The following ZNF180 variants were observed in gnomAD, a reference collection of about 807,000 sequenced individuals.
ZNF180 encodes the protein zinc finger protein 180.
ZNF180 carries 11 observed loss-of-function variants against 11.8 expected under a neutral mutation model. The observed-to-expected ratio is 0.93, with a 90% CI of 0.59 to 1.55. The LOEUF (loss-of-function observed/expected upper bound fraction) is 1.55, where lower values mean the gene tolerates loss of function less well. Among genes scored for constraint, ZNF180 ranks in the 40% most tolerant of loss-of-function variants. The pLI is 0.00. For missense variants in ZNF180, 773 were observed against 781.7 expected (o/e 0.99, Z 0.13); for synonymous variants, 287 against 257.7 (o/e 1.11, Z -1.09).
chr19:44,479,515 A>G (rs2123444005), intron 3 of ZNF180, 106 bp from the exon 4 acceptor site: 1 of 1,073,148 alleles, frequency 9.3e-7, no homozygotes, highest in South Asian at 2.1e-5. Context: ...GTGACCTGGG[A>G]GTTGTCCTTA....
intron 1 of ZNF180, 164 bp downstream of exon 1, chr19:44,500,111 A>C: frequency 1.3e-6 from 2 of 1,580,392 alleles, no homozygotes; most frequent in Non-Finnish European, 1.7e-6. Flanking sequence ...CGCGGAATAT[A>C]CAGCTGTATC....
In ZNF180 at chr19:44,476,313, T is replaced by C. The variant is rs1331563208; in HGVS notation, c.*89A>G. The C allele has an allele frequency of 1.2e-5, 15 of 1,229,598 alleles. No individual in the cohort carries two copies. The highest frequency in any genetic ancestry group is 1.7e-5 in the Non-Finnish European group (15 of 901,216). 76.2% of individuals were successfully genotyped at this position (1,229,598 alleles called of 1,614,324 possible). On this transcript the variant is annotated 3_prime_UTR_variant, in exon 5 of 5. Transcript: ENST00000592529. ...AGTTTTCCCACATATATTGTTTTTATAGTAGTTCTTCCAACTACATGTACT... is the reference window on the plus strand; with the variant it reads ...AGTTTTCCCACATATATTGTTTTTACAGTAGTTCTTCCAACTACATGTACT...
rs1970166340 is a variant in ZNF180, at chr19:44,484,370, G to T, written c.117C>A (p.Ile39=). The change falls in exon 3 of 5, where the codon ATC becomes ATA. Residue 39 remains isoleucine, a synonymous_variant. Coordinates refer to ENST00000592529, the MANE Select transcript of ZNF180 (RefSeq NM_001278509.3). The stretch of plus-strand genomic sequence containing the variant: ...GCCTTGCCCAACCTACCTGAGATGG[G>T]ATGGTCAGAGACCCAGTGTCTTCTC... ...VEGEDTGSLT[I]PSQEGVNFKI... 3.7e-6 allele frequency: 6 copies of T among 1,613,374 alleles called. No homozygotes were observed. The East Asian group carries it at 1.1e-4, about 30-fold the overall frequency.
Position 44,479,302 on chromosome 19 carries a change from G to A in ZNF180, c.234C>T (p.His78=). 1 of 1,613,940 alleles carries A rather than the reference G, an allele frequency of 6.2e-7. No homozygotes were observed. Among genetic ancestry groups the A allele is most frequent in the Non-Finnish European group, 8.5e-7 (1 of 1,179,886 alleles). ...TCTTACCCCAAGAGACTAGGTCCCT[G>A]TGGTTCTCCAGGATCACATCTCTGT... ...TLDRDVILEN[H]RDLVSWDLAT... Residue 78 remains histidine (H), a synonymous_variant, in exon 4 of 5, where the codon CAC becomes CAT. Coordinates refer to ENST00000592529, the MANE Select transcript of ZNF180 (RefSeq NM_001278509.3).
chr19:44,498,447 T>A (rs900728286), intron 1 of ZNF180, among the ~76,000 whole-genome samples: 1 of 152,120 alleles, frequency 6.6e-6, no homozygotes, highest in African/African-American at 2.4e-5. Flanking sequence ...AACTGTTTCC[T>A]CCACCTTACT....
Position 44,484,417 on chromosome 19 carries a change from CTT to C in ZNF180, c.68_69del (p.Gln23ArgfsTer80). ...KVCAQDSFLP[Q>X]EIIIKVEGED... is the part of the protein sequence containing the mutation. Reference sequence around the variant, plus strand: ...TCTCCCTCGACTTTGATGATAATCTCTTGAGGAAGGAAAGAATCCTGAAAAGG... The same window carrying C: ...TCTCCCTCGACTTTGATGATAATCTCGAGGAAGGAAAGAATCCTGAAAAGG... On this transcript the variant is annotated frameshift_variant, in exon 3 of 5. Coordinates refer to ENST00000592529, the MANE Select transcript of ZNF180 (RefSeq NM_001278509.3). LOFTEE classifies it high-confidence loss of function. 1 of 1,614,014 alleles carries C rather than the reference CTT, an allele frequency of 6.2e-7. No homozygotes were observed.
intron 2 of ZNF180, among the ~76,000 whole-genome samples, chr19:44,488,328 T>C (rs1310853624): frequency 6.7e-6 from 1 of 150,058 alleles, no homozygotes; most frequent in Non-Finnish European, 1.5e-5. Flanking sequence ...GAAGCTGGAC[T>C]GTACTGCTGC....
At chr19:44,485,315 A>G (rs1411798157) in intron 2 of ZNF180, among the ~76,000 whole-genome samples, 1 of 152,228 alleles carries the variant, frequency 6.6e-6, no homozygotes, top group African/African-American at 2.4e-5. Flanking sequence ...GTGAATATAC[A>G]AACAGATGCT....
intron 2 of ZNF180, among the ~76,000 whole-genome samples, chr19:44,489,393 AAG>A (rs1280940867): frequency 9.1e-5 from 13 of 143,432 alleles, no homozygotes; most frequent in Non-Finnish European, 1.7e-4. Context: ...GTTCTGTACT[AAG>A]AAAAATTCTT....
chr19:44,494,793 C>T (rs1028739589), intron 2 of ZNF180, among the ~76,000 whole-genome samples: 5 of 152,146 alleles, frequency 3.3e-5, no homozygotes, highest in Non-Finnish European at 5.9e-5. Context: ...TACATGGAAT[C>T]CCATACAAAA....
chr19:44,476,298 C>T lies in ZNF180; in HGVS notation c.*104G>A, dbSNP rs1600061831. The T allele has an allele frequency of 8.9e-7, 1 of 1,128,388 alleles. No homozygotes were observed. Among genetic ancestry groups the T allele is most frequent in the East Asian group, 2.6e-5 (1 of 38,274 alleles). The allele number at this position is 1,128,388 out of a possible 1,614,324, so 69.9% of individuals were successfully genotyped here. On this transcript the variant is annotated 3_prime_UTR_variant, in exon 5 of 5. Transcript: ENST00000592529. ...TAACAGAGGGCTGGAAGTTTTCCCA[C>T]ATATATTGTTTTTATAGTAGTTCTT...
At position 44,479,348 on chromosome 19, in the gene ZNF180, T is replaced by C. The variant is rs189625631; in HGVS notation, c.188A>G (p.Asn63Ser). ...TCTGTCCAGGGTCCTCTGAGCAGGG[T>C]TGCAAGTACCCTGTTCCTCCCGTGT... Reference protein sequence around the residue: ...DFTREEQGTCNPAQRTLDRDV... With the variant: ...DFTREEQGTCSPAQRTLDRDV... Residue 63 changes from asparagine to serine, a missense_variant, in exon 4 of 5, where the codon AAC becomes AGC. Coordinates refer to ENST00000592529, the MANE Select transcript of ZNF180 (RefSeq NM_001278509.3). 140 of 1,613,990 alleles carry C rather than the reference T, an allele frequency of 8.7e-5. 1 individual carries two copies. The Admixed American group carries it at 2.2e-3, about 26-fold the overall frequency.
chr19:44,496,908 A>C (rs550918173), intron 2 of ZNF180, among the ~76,000 whole-genome samples: 14 of 152,278 alleles, frequency 9.2e-5, no homozygotes, highest in Admixed American at 7.9e-4. Flanking sequence ...TTGCATTATC[A>C]TCAGTTTCAA....
At chr19:44,486,435 C>T (rs550902349) in intron 2 of ZNF180, among the ~76,000 whole-genome samples, 216 of 152,294 alleles carry the variant, frequency 1.4e-3, no homozygotes, top group Non-Finnish European at 2.5e-3. Flanking sequence ...CTTGAAACAA[C>T]GCAATTCCTT....
chr19:44,489,092 G>A (rs866614094), intron 2 of ZNF180, among the ~76,000 whole-genome samples: 1,857 of 138,398 alleles, frequency 0.013, 44 homozygotes, highest in African/African-American at 0.046. Flanking sequence ...CGCCCCGTCC[G>A]GGAGGGAGGT....
At chr19:44,483,340 T>G (rs1476693130) in intron 3 of ZNF180, among the ~76,000 whole-genome samples, 4 of 152,296 alleles carry the variant, frequency 2.6e-5, no homozygotes, top group African/African-American at 9.6e-5. Context: ...GAGTGTCCAC[T>G]CCATAGGAAG....
At position 44,479,376 on chromosome 19, in the gene ZNF180, A is replaced by G; in HGVS notation, c.160T>C (p.Phe54Leu). 1 of 1,613,998 alleles carries G rather than the reference A, an allele frequency of 6.2e-7. No homozygotes were observed. Among genetic ancestry groups the G allele is most frequent in the Non-Finnish European group, 8.5e-7 (1 of 1,179,926 alleles). The change falls in exon 4 of 5, where the codon TTC becomes CTC. Residue 54 changes from phenylalanine (F) to leucine (L), a missense_variant. Coordinates refer to ENST00000592529, the MANE Select transcript of ZNF180 (RefSeq NM_001278509.3). ...CAAGTACCCTGTTCCTCCCGTGTGA[A>G]GTCCACAGTCACAATTTTGAAGTTC... ...GVNFKIVTVD[F>L]TREEQGTCNP...
Position 44,478,010 on chromosome 19 carries a change from A to G in ZNF180, c.390T>C (p.Asp130=). The G allele has an allele frequency of 6.2e-7, 1 of 1,614,050 alleles. No homozygotes were observed. The highest frequency in any genetic ancestry group is 1.1e-5 in the South Asian group (1 of 91,074). ...PWLSSCEEVD[D]CKDQLEKQQE... The stretch of plus-strand genomic sequence containing the variant: ...GTTGCTTCTCCAACTGGTCTTTACA[A>G]TCATCCACTTCTTCACATGAAGATA... The change falls in exon 5 of 5, where the codon GAT becomes GAC. Residue 130 remains aspartate, a synonymous_variant. Coordinates refer to ENST00000592529, the MANE Select transcript of ZNF180 (RefSeq NM_001278509.3).
At chr19:44,484,481 T>A in intron 2 of ZNF180, 46 bp from the exon 3 acceptor site, 1 of 1,428,586 alleles carries the variant, frequency 7.0e-7, no homozygotes, top group South Asian at 1.2e-5. Context: ...ATCAGGGAGC[T>A]AAGTGGCAGC....
Sources: allele counts gnomAD v4.1 joint callset (sites outside exome capture counted in the v4.1 genomes callset), GRCh38; gene constraint gnomAD v4.1.1; transcripts MANE v1.5; gene names NCBI Gene and HGNC (gene_info 2026-07-23, HGNC 2026-07-21).